MDGA1: variants seen among roughly 807,000 people sequenced by gnomAD.
The protein encoded by MDGA1 is MAM domain containing glycosylphosphatidylinositol anchor 1.
MDGA1 carries 54 observed loss-of-function variants against 101.5 expected under a neutral mutation model. That is an observed-to-expected ratio of 0.53 (90% CI 0.43 to 0.67). The LOEUF is 0.67. Among genes scored for constraint, MDGA1 ranks in the 30% least tolerant of loss-of-function variants. MDGA1 has a pLI of 0.00. For synonymous variants in MDGA1, 533 were observed against 558.3 expected (o/e 0.95, Z 0.64); for missense variants, 1,083 against 1,323.8 (o/e 0.82, Z 2.82).
At position 37,696,644 on chromosome 6, in the gene MDGA1, G is replaced by A; in HGVS notation, c.67+101C>T. On this transcript the variant is annotated intron_variant, in intron 1 of 16. Coordinates refer to ENST00000434837, the MANE Select transcript of MDGA1 (RefSeq NM_153487.4). The surrounding 1 kb of genome is among the most constrained non-coding windows in gnomAD (Gnocchi z 5.6). ...GACGCGGGCATCCACTCCAGAGTCCGAGTCGAGGTCTCCACCAAACCCCGG... is the reference window on the plus strand; with the variant it reads ...GACGCGGGCATCCACTCCAGAGTCCAAGTCGAGGTCTCCACCAAACCCCGG... 1.7e-6 allele frequency: 2 copies of A among 1,156,132 alleles called. No individual in the cohort carries two copies. Among genetic ancestry groups the A allele is most frequent in the Non-Finnish European group, 1.3e-6 (1 of 790,952 alleles). The allele number at this position is 1,156,132 out of a possible 1,614,324, so 71.6% of individuals were successfully genotyped here.
chr6:37,680,716 G>A (rs1177849288), intron 1 of MDGA1, among the ~76,000 whole-genome samples: 2 of 152,188 alleles, frequency 1.3e-5, no homozygotes, highest in African/African-American at 2.4e-5. Context: ...GCTTTTCAAA[G>A]GTGCCAACTC....
At chr6:37,654,962 T>A in intron 4 of MDGA1, 30 bp from the exon 5 acceptor site, 1 of 1,610,666 alleles carries the variant, frequency 6.2e-7, no homozygotes, top group South Asian at 1.1e-5. Context: ...TGGGGTGAGG[T>A]GCCTGCTTGA....
intron 3 of MDGA1, 28 bp downstream of exon 3, chr6:37,658,217 C>A: frequency 6.5e-7 from 1 of 1,539,742 alleles, no homozygotes; most frequent in South Asian, 1.2e-5. Flanking sequence ...GCTGTCAGGG[C>A]CCGGGGAGAG....
intron 5 of MDGA1, 28 bp from the exon 6 acceptor site, chr6:37,654,571 G>A: frequency 2.5e-6 from 4 of 1,613,914 alleles, no homozygotes; most frequent in Non-Finnish European, 8.5e-7. Flanking sequence ...GGGGTCTTAG[G>A]GGACTGTGAG....
Position 37,637,462 on chromosome 6 carries a change from G to A in MDGA1, c.2777-3C>T, listed in dbSNP as rs538671656. The stretch of plus-strand genomic sequence containing the variant: ...TCCACTGCCCGGCATCACCACCACT[G>A]CAACAGGGGAGAAAGAGGAGACAGG... On this transcript the variant is annotated splice_polypyrimidine_tract_variant and splice_region_variant and intron_variant, in intron 16 of 16. Coordinates refer to ENST00000434837, the MANE Select transcript of MDGA1 (RefSeq NM_153487.4). The A allele has an allele frequency of 6.2e-7, 1 of 1,612,120 alleles. No homozygotes were observed. Among genetic ancestry groups the A allele is most frequent in the East Asian group, 2.2e-5 (1 of 44,838 alleles).
chr6:37,648,733 T>G (rs1240443597), intron 9 of MDGA1: 1 of 609,096 alleles, frequency 1.6e-6, no homozygotes, highest in Non-Finnish European at 2.7e-6. Context: ...AGGGAAGGTG[T>G]GAGTGGAGGG....
At chr6:37,639,442 C>T (rs1349216134) in intron 14 of MDGA1, 1 of 152,376 alleles carries the variant, frequency 6.6e-6, no homozygotes, top group African/African-American at 2.4e-5. Context: ...AATCATGTTA[C>T]CCCCTCTGCT....
rs1423937391 is a variant in MDGA1, at chr6:37,631,033, G to A, written c.*6335C>T. 1 of 152,192 alleles carries A rather than the reference G, an allele frequency of 6.6e-6. No individual in the cohort carries two copies. The highest frequency in any genetic ancestry group is 1.5e-5 in the Non-Finnish European group (1 of 68,044). The allele number at this position is 152,192 out of a possible 1,614,324, so 9.4% of individuals were successfully genotyped here. On this transcript the variant is annotated 3_prime_UTR_variant, in exon 17 of 17. Coordinates refer to ENST00000434837, the MANE Select transcript of MDGA1 (RefSeq NM_153487.4). ...CACTAAGAGCAACCCAGATTCAAGA[G>A]GAAGGGAATTAGACTCTGCCTCTCT...
At chr6:37,666,041 AT>A (rs1340576742) in intron 1 of MDGA1, among the ~76,000 whole-genome samples, 1 of 151,952 alleles carries the variant, frequency 6.6e-6, no homozygotes, top group African/African-American at 2.4e-5. Context: ...ATAGAACGCA[AT>A]CCTCTATAAG....
At chr6:37,665,737 T>C (rs1171887786) in intron 1 of MDGA1, among the ~76,000 whole-genome samples, 1 of 152,236 alleles carries the variant, frequency 6.6e-6, no homozygotes, top group Non-Finnish European at 1.5e-5. Context: ...GCCCACTAAG[T>C]GCCTTTGTGT....
chr6:37,696,755 T>C lies in MDGA1; in HGVS notation c.57A>G (p.Gln19=). The C allele has an allele frequency of 3.8e-6, 6 of 1,582,876 alleles. No individual in the cohort carries two copies. The highest frequency in any genetic ancestry group is 4.3e-6 in the Non-Finnish European group (5 of 1,163,778). ...LALIPFHCRG[Q]GVYAPAQAQI... is the part of the protein sequence containing the mutation. ...GACGCGGGCTCTTACCGTAGACTCC[T>C]TGTCCCCGGCAGTGGAAGGGGATCA... is the stretch of plus-strand genomic sequence containing the variant. The change falls in exon 1 of 17, where the codon CAA becomes CAG. Residue 19 remains glutamine (Q), a synonymous_variant. Coordinates refer to ENST00000434837, the MANE Select transcript of MDGA1 (RefSeq NM_153487.4). This position sits in a 1 kb window ranked among gnomAD's most constrained non-coding sequence, Gnocchi z 5.6.
chr6:37,666,159 A>C (rs1269901375), intron 1 of MDGA1, among the ~76,000 whole-genome samples: 3 of 150,088 alleles, frequency 2.0e-5, no homozygotes, highest in African/African-American at 5.0e-5. Context: ...CAGCCTGATC[A>C]ACATGCTGAA....
rs574462563 is a variant in MDGA1, at chr6:37,686,529, C to T, written c.67+10216G>A. On this transcript the variant is annotated intron_variant, in intron 1 of 16. Transcript: ENST00000434837. ...ACAACCTCGGCCTCCCTGATTCAAG[C>T]GATTCTCCTGCCTCAGCCTCCCGAG... Among the ~76,000 whole-genome samples the T allele has an allele frequency of 5.3e-5, 8 of 151,430 alleles. No individual in the cohort carries two copies. The East Asian group carries it at 1.4e-3, about 26-fold the overall frequency.
Position 37,643,813 on chromosome 6 carries a change from G to A in MDGA1, c.2532C>T (p.His844=), listed in dbSNP as rs1166694372. The change falls in exon 14 of 17, where the codon CAC becomes CAT. Residue 844 remains histidine, a synonymous_variant. Transcript: ENST00000434837. ...CTACCTGGCCCCCCAACTCACCGAT[G>A]TGTTTCCCGTACATGTGGTAGAAGA... ...VSFFYHMYGK[H]IGSLNLLVRS... 2 of 1,613,784 alleles carry A rather than the reference G, an allele frequency of 1.2e-6. No homozygotes were observed. The highest frequency in any genetic ancestry group is 1.3e-5 in the African/African-American group (1 of 74,906).
intron 1 of MDGA1, among the ~76,000 whole-genome samples, chr6:37,691,881 C>CA (rs1006041588): frequency 3.3e-5 from 5 of 152,340 alleles, no homozygotes; most frequent in Admixed American, 6.5e-5. Flanking sequence ...CAAGCACCCC[C>CA]ATTCCCCTTG....
chr6:37,692,219 C>T (rs1490969640), intron 1 of MDGA1, among the ~76,000 whole-genome samples: 3 of 152,130 alleles, frequency 2.0e-5, no homozygotes, highest in Admixed American at 6.5e-5. Flanking sequence ...ACGGCAGCAG[C>T]TGCCGCACAG....
In MDGA1 at chr6:37,637,290, C is replaced by A; in HGVS notation, c.*78G>T. On this transcript the variant is annotated 3_prime_UTR_variant, in exon 17 of 17. Coordinates refer to ENST00000434837, the MANE Select transcript of MDGA1 (RefSeq NM_153487.4). ...CCCTGCCCCTGGGCACCCCAGCTGG[C>A]GGGGGTCAGTCTTTGGTACAATGTG... 1 of 1,221,398 alleles carries A rather than the reference C, an allele frequency of 8.2e-7. No individual in the cohort carries two copies. Among genetic ancestry groups the A allele is most frequent in the South Asian group, 1.3e-5 (1 of 75,346 alleles). The allele number at this position is 1,221,398 out of a possible 1,614,324, so 75.7% of individuals were successfully genotyped here.
chr6:37,678,138 G>GC (rs1296624216), intron 1 of MDGA1, among the ~76,000 whole-genome samples: 15 of 152,024 alleles, frequency 9.9e-5, no homozygotes, highest in African/African-American at 3.6e-4. Flanking sequence ...AACTTTCACT[G>GC]CCCCCCAGTA....
intron 2 of MDGA1, among the ~76,000 whole-genome samples, chr6:37,659,087 C>G (rs1392702647): frequency 1.3e-5 from 2 of 151,966 alleles, no homozygotes; most frequent in Non-Finnish European, 2.9e-5. Flanking sequence ...ATTGAAGCCT[C>G]AGGCCAACAG....
Sources: allele counts gnomAD v4.1 joint callset (sites outside exome capture counted in the v4.1 genomes callset), GRCh38; gene constraint gnomAD v4.1.1; non-coding constraint Gnocchi (gnomAD v3.1); transcripts MANE v1.5; gene names NCBI Gene and HGNC (gene_info 2026-07-23, HGNC 2026-07-21).